Variants in TMTC3 observed in about 807,000 individuals in gnomAD.
TMTC3 encodes transmembrane O-mannosyltransferase targeting cadherins 3.
A neutral mutation model predicts 92.2 loss-of-function variants in TMTC3; 52 were observed. The observed-to-expected ratio is 0.56, with a 90% CI of 0.45 to 0.71. TMTC3 has a LOEUF of 0.71. Among genes scored for constraint, TMTC3 ranks in the 30% least tolerant of loss-of-function variants. TMTC3 has a pLI of 0.00. For synonymous variants in TMTC3, 339 were observed against 363.3 expected (o/e 0.93, Z 0.76); for missense variants, 896 against 1,057.1 (o/e 0.85, Z 2.11).
In TMTC3 at chr12:88,197,641, AAT is replaced by A. The variant is rs991371144; in HGVS notation, c.*1993_*1994del. The A allele has an allele frequency of 2.0e-5, 3 of 151,940 alleles. No homozygotes were observed. The highest frequency in any genetic ancestry group is 4.4e-5 in the Non-Finnish European group (3 of 67,878). 9.4% of individuals were successfully genotyped at this position (151,940 alleles called of 1,614,324 possible). A position where few individuals can be genotyped will look rare whatever the true frequency, so the allele number is the denominator to read the frequency against. On this transcript the variant is annotated 3_prime_UTR_variant, in exon 14 of 14. Coordinates refer to ENST00000266712, the MANE Select transcript of TMTC3 (RefSeq NM_181783.4). ...ATAATTCAAATGATAAAAATGTATC[AAT>A]GTTATCCAATGATTTTTATTAAAAA...
At chr12:88,178,506 A>G (rs1175407076) in intron 10 of TMTC3, among the ~76,000 whole-genome samples, 1 of 151,808 alleles carries the variant, frequency 6.6e-6, no homozygotes, top group Non-Finnish European at 1.5e-5. Context: ...TCTTTCCTAT[A>G]TTTGTAATTT....
intron 1 of TMTC3, among the ~76,000 whole-genome samples, chr12:88,147,603 T>G (rs899984355): frequency 6.6e-6 from 1 of 152,142 alleles, no homozygotes; most frequent in Non-Finnish European, 1.5e-5. Flanking sequence ...TTGAGACCTT[T>G]AATGACTTAG....
chr12:88,145,445 C>T (rs759539658), intron 1 of TMTC3, among the ~76,000 whole-genome samples: 6 of 152,168 alleles, frequency 3.9e-5, no homozygotes, highest in South Asian at 4.1e-4. Context: ...TAATGTAGCT[C>T]ATGAGAAGTC....
chr12:88,182,105 A>T lies in TMTC3; in HGVS notation c.1432+5786A>T, dbSNP rs532811431. The stretch of plus-strand genomic sequence containing the variant: ...GGGTCATAACCTAGAAACTGATTGC[A>T]TCATCTGCAGCCTGTATAGGTGACT... On this transcript the variant is annotated intron_variant, in intron 10 of 13. Coordinates refer to ENST00000266712, the MANE Select transcript of TMTC3 (RefSeq NM_181783.4). Among the ~76,000 whole-genome samples, 6 of 152,350 alleles carry T rather than the reference A, an allele frequency of 3.9e-5. No individual in the cohort carries two copies. In the East Asian group the frequency reaches 1.2e-3, roughly 29 times the overall value.
At chr12:88,174,458 A>C in intron 8 of TMTC3, 149 bp from the exon 9 acceptor site, 1 of 881,534 alleles carries the variant, frequency 1.1e-6, no homozygotes, top group Non-Finnish European at 1.6e-6. Context: ...GTATCCTCTA[A>C]AGTTGGGTGT....
At chr12:88,169,121 A>G (rs2041176852) in intron 7 of TMTC3, among the ~76,000 whole-genome samples, 1 of 152,220 alleles carries the variant, frequency 6.6e-6, no homozygotes. Flanking sequence ...AGTAGTGAAG[A>G]TTCAAAGCAG....
At chr12:88,168,312 G>C (rs1261723392) in intron 7 of TMTC3, among the ~76,000 whole-genome samples, 1 of 152,202 alleles carries the variant, frequency 6.6e-6, no homozygotes, top group Non-Finnish European at 1.5e-5. Flanking sequence ...ATGAGGAAGT[G>C]AAGAGAGCTA....
At chr12:88,182,498 A>G (rs745885715) in intron 10 of TMTC3, among the ~76,000 whole-genome samples, 6 of 152,184 alleles carry the variant, frequency 3.9e-5, no homozygotes, top group Admixed American at 2.0e-4. Context: ...AAGATATGCA[A>G]GTTGATAGTA....
intron 1 of TMTC3, among the ~76,000 whole-genome samples, chr12:88,143,200 T>C (rs2138340088): frequency 6.6e-6 from 1 of 152,168 alleles, no homozygotes; most frequent in South Asian, 2.1e-4. Context: ...AAAATTACTG[T>C]ACTTGACAGT....
chr12:88,173,086 TTAAG>T, intron 8 of TMTC3: 6 of 1,286,706 alleles, frequency 4.7e-6, no homozygotes, highest in Non-Finnish European at 6.1e-6. Flanking sequence ...GTCATCCTAC[TTAAG>T]TGAGTCATAT....
At chr12:88,161,199 A>G (rs1387261814) in intron 6 of TMTC3, among the ~76,000 whole-genome samples, 1 of 151,744 alleles carries the variant, frequency 6.6e-6, no homozygotes, top group African/African-American at 2.4e-5. Flanking sequence ...AGATTTCGCT[A>G]TTTCTCCTTG....
chr12:88,144,501 C>T (rs1459754551), intron 1 of TMTC3, among the ~76,000 whole-genome samples: 1 of 152,086 alleles, frequency 6.6e-6, no homozygotes, highest in Non-Finnish European at 1.5e-5. Context: ...TGCCACCACC[C>T]TCTTGCTCAC....
intron 7 of TMTC3, among the ~76,000 whole-genome samples, chr12:88,168,279 G>T (rs1341647977): frequency 6.6e-6 from 1 of 152,184 alleles, no homozygotes; most frequent in Non-Finnish European, 1.5e-5. Context: ...AATGAAATTT[G>T]TTTATGTGCA....
At chr12:88,192,567 A>G (rs1565960070) in intron 12 of TMTC3, 37 bp from the exon 13 acceptor site, 2 of 1,489,174 alleles carry the variant, frequency 1.3e-6, no homozygotes, top group South Asian at 1.2e-5. Flanking sequence ...TGAGATGGTA[A>G]TGTTGTAAGT....
Position 88,195,773 on chromosome 12 carries a change from T to A in TMTC3, c.*124T>A. 1 of 714,462 alleles carries A rather than the reference T, an allele frequency of 1.4e-6. No homozygotes were observed. Among genetic ancestry groups the A allele is most frequent in the Non-Finnish European group, 2.2e-6 (1 of 449,088 alleles). The allele number at this position is 714,462 out of a possible 1,614,324, so 44.3% of individuals were successfully genotyped here. On this transcript the variant is annotated 3_prime_UTR_variant, in exon 14 of 14. Transcript: ENST00000266712. ...TGGTCAATCATGAGCTGCCTTGAAG[T>A]AGGATCAAAATAAGATTTTCATTAA...
At position 88,153,390 on chromosome 12, in the gene TMTC3, A is replaced by G. The variant is rs1396893291; in HGVS notation, c.289A>G (p.Met97Val). ...ACCAATGTCATATCATCTCCTGAAT[A>G]TGATTTTTCATGCTGTGGTTAGTGT... ...LKPMSYHLLN[M>V]IFHAVVSVIF... is the part of the protein sequence containing the mutation. Residue 97 changes from methionine (M) to valine (V), a missense_variant, in exon 3 of 14, where the codon ATG (methionine) becomes GTG (valine). Met to Val is a conservative substitution (Grantham distance 21, BLOSUM62 1). Coordinates refer to ENST00000266712, the MANE Select transcript of TMTC3 (RefSeq NM_181783.4). The G allele has an allele frequency of 1.9e-6, 3 of 1,613,354 alleles. No individual in the cohort carries two copies. The highest frequency in any genetic ancestry group is 2.5e-6 in the Non-Finnish European group (3 of 1,179,610).
Position 88,198,528 on chromosome 12 carries a change from A to ATTAAT in TMTC3, c.*2882_*2886dup. The ATTAAT allele has an allele frequency of 2.5e-6, 1 of 396,878 alleles. No homozygotes were observed. Among genetic ancestry groups the ATTAAT allele is most frequent in the Non-Finnish European group, 4.4e-6 (1 of 224,902 alleles). The allele number at this position is 396,878 out of a possible 1,614,324, so 24.6% of individuals were successfully genotyped here. On this transcript the variant is annotated 3_prime_UTR_variant, in exon 14 of 14. Transcript: ENST00000266712. ...CTTATTAACATTCAGAATTGGGAAT[A>ATTAAT]TTAATTTTTCCAGTGAGTAGTTTTC...
intron 2 of TMTC3, among the ~76,000 whole-genome samples, chr12:88,149,521 G>A (rs898367723): frequency 1.3e-5 from 2 of 152,120 alleles, no homozygotes; most frequent in Admixed American, 6.6e-5. Context: ...TTCCCAGGTG[G>A]AAAAGTAGAA....
Position 88,153,398 on chromosome 12 carries a change from T to C in TMTC3, c.297T>C (p.Phe99=). The change falls in exon 3 of 14, where the codon TTT becomes TTC. Residue 99 remains phenylalanine, a synonymous_variant. Transcript: ENST00000266712. ...PMSYHLLNMI[F]HAVVSVIFLK... ...CATATCATCTCCTGAATATGATTTTTCATGCTGTGGTTAGTGTGATATTTC... is the reference window on the plus strand; with the variant it reads ...CATATCATCTCCTGAATATGATTTTCCATGCTGTGGTTAGTGTGATATTTC... 2 of 1,613,420 alleles carry C rather than the reference T, an allele frequency of 1.2e-6. No individual in the cohort carries two copies. The highest frequency in any genetic ancestry group is 1.7e-6 in the Non-Finnish European group (2 of 1,179,530).
Sources: gnomAD v4.1 joint callset for allele counts (sites outside exome capture counted in the v4.1 genomes callset) on GRCh38, gnomAD v4.1.1 for gene constraint, MANE v1.5 for transcripts, NCBI Gene and HGNC (gene_info 2026-07-23, HGNC 2026-07-21) for gene names.